ANO1: variants seen among roughly 807,000 people sequenced by gnomAD.
ANO1 encodes anoctamin-1.
In ANO1, 59 loss-of-function variants were observed where a neutral mutation model predicts 124.0. That is an observed-to-expected ratio of 0.48 (90% CI 0.39 to 0.59). The LOEUF (loss-of-function observed/expected upper bound fraction) is 0.59. ANO1 is among the 20% of genes least tolerant of loss of function. The pLI is 0.00. For missense variants in ANO1, 1,059 were observed against 1,328.0 expected (o/e 0.80, Z 3.15); for synonymous variants, 529 against 532.0 (o/e 0.99, Z 0.08).
chr11:70,035,233 C>G (rs1051550978), intron 1 of ANO1, among the ~76,000 whole-genome samples: 2 of 152,176 alleles, frequency 1.3e-5, no homozygotes, highest in Non-Finnish European at 2.9e-5. Context: ...GTCCAGCCCT[C>G]CAGGAGGATT....
intron 14 of ANO1, among the ~76,000 whole-genome samples, chr11:70,153,657 A>G (rs2047688079): frequency 6.6e-6 from 1 of 152,172 alleles, no homozygotes; most frequent in Non-Finnish European, 1.5e-5. Context: ...GTCTTTTTAT[A>G]ATAATTGCTT....
At chr11:70,027,369 A>G (rs1220071294) in intron 1 of ANO1, among the ~76,000 whole-genome samples, 1 of 152,234 alleles carries the variant, frequency 6.6e-6, no homozygotes, top group Non-Finnish European at 1.5e-5. Flanking sequence ...TGACTAGCTC[A>G]TGTAACTTAT....
At chr11:70,136,674 T>G (rs1340128785) in intron 11 of ANO1, among the ~76,000 whole-genome samples, 2 of 147,338 alleles carry the variant, frequency 1.4e-5, no homozygotes, top group African/African-American at 4.9e-5. Context: ...CGTCTGCACT[T>G]GCCTGGAAGC....
intron 20 of ANO1, 77 bp downstream of exon 20, chr11:70,165,647 C>A: frequency 8.2e-7 from 1 of 1,218,818 alleles, no homozygotes; most frequent in Non-Finnish European, 1.2e-6. Context: ...CTGCGGGGGT[C>A]TGGGTGGACG....
In ANO1 at chr11:70,116,597, C is replaced by T. The variant is rs2045985433; in HGVS notation, c.897+98C>T. Reference sequence around the variant, plus strand: ...AGCTGGACCGAGGACTTACCGGCCTCCAGGGCCTCCCCAGGGCGCTCGCTG... The same window carrying T: ...AGCTGGACCGAGGACTTACCGGCCTTCAGGGCCTCCCCAGGGCGCTCGCTG... On this transcript the variant is annotated intron_variant, in intron 8 of 25. Transcript: ENST00000355303. 2 of 1,242,446 alleles carry T rather than the reference C, an allele frequency of 1.6e-6. 1 individual carries two copies. 77.0% of individuals were successfully genotyped at this position (1,242,446 alleles called of 1,614,324 possible). A position where few individuals can be genotyped will look rare whatever the true frequency, so the allele number is the denominator to read the frequency against.
intron 1 of ANO1, among the ~76,000 whole-genome samples, chr11:70,022,840 G>A (rs1203640301): frequency 1.3e-5 from 2 of 152,164 alleles, no homozygotes; most frequent in Admixed American, 1.3e-4. Context: ...CTGACCTTGA[G>A]GCAGGGAGAT....
At chr11:69,972,627 G>A in the ANO1 span, among the ~76,000 whole-genome samples, 3 of 152,202 alleles carry the variant, frequency 2.0e-5, no homozygotes, top group Non-Finnish European at 4.4e-5. Flanking sequence ...TTGATAAGAC[G>A]GTCCTGTGTA....
At chr11:70,015,988 C>G (rs1856695977) in intron 1 of ANO1, among the ~76,000 whole-genome samples, 1 of 152,032 alleles carries the variant, frequency 6.6e-6, no homozygotes, top group Non-Finnish European at 1.5e-5. Flanking sequence ...AGACGATGAA[C>G]TGCTTGGCTT....
chr11:70,177,686 G>A (rs978630280), intron 22 of ANO1, among the ~76,000 whole-genome samples: 4 of 119,936 alleles, frequency 3.3e-5, no homozygotes, highest in African/African-American at 1.3e-4. Context: ...TGCAACCTCC[G>A]CCCCCCGGGT....
At chr11:69,968,593 C>T in the ANO1 span, among the ~76,000 whole-genome samples, 2 of 152,198 alleles carry the variant, frequency 1.3e-5, no homozygotes, top group Non-Finnish European at 2.9e-5. Context: ...TGAGATTGTT[C>T]GAGGACCCGT....
intron 22 of ANO1, among the ~76,000 whole-genome samples, chr11:70,175,559 G>A (rs1314129925): frequency 1.3e-5 from 2 of 152,214 alleles, no homozygotes; most frequent in Admixed American, 6.5e-5. Context: ...CCAGCCGTGC[G>A]TGGGAATCTG....
rs1432604573 is a variant in ANO1, at chr11:70,107,490, C to CGGGGGGGG, written c.748-861_748-860insGGGGGGGG. ...TTGGGACAGGTGGGTCCAGTGGAGGCGGCGGGGCGGGGAAGCGGTCAGATG... is the reference window on the plus strand; with the variant it reads ...TTGGGACAGGTGGGTCCAGTGGAGGCGGGGGGGGGGCGGGGCGGGGAAGCGGTCAGATG... On this transcript the variant is annotated intron_variant, in intron 5 of 25. Coordinates refer to ENST00000355303, the MANE Select transcript of ANO1 (RefSeq NM_018043.7). Among the ~76,000 whole-genome samples, 358 of 63,472 alleles carry CGGGGGGGG rather than the reference C, an allele frequency of 5.6e-3. 13 individuals are homozygous for CGGGGGGGG. Among genetic ancestry groups the CGGGGGGGG allele is most frequent in the African/African-American group, 0.011 (179 of 15,782 alleles). The allele number at this position is 63,472 out of a possible 152,430, so 41.6% of individuals were successfully genotyped here. A position where few individuals can be genotyped will look rare whatever the true frequency, so the allele number is the denominator to read the frequency against.
At chr11:70,083,235 G>T (rs2044254841) in intron 1 of ANO1, among the ~76,000 whole-genome samples, 1 of 152,136 alleles carries the variant, frequency 6.6e-6, no homozygotes, top group Admixed American at 6.5e-5. Context: ...GGCCCTGTTG[G>T]AAACTCTTTA....
intron 1 of ANO1, among the ~76,000 whole-genome samples, chr11:70,038,583 C>G (rs1443484438): frequency 6.6e-6 from 1 of 152,084 alleles, no homozygotes. Context: ...GTGGGCCATA[C>G]AGGGACTCTG....
chr11:70,089,012 G>A (rs1590696992), intron 2 of ANO1, among the ~76,000 whole-genome samples: 1 of 152,348 alleles, frequency 6.6e-6, no homozygotes, highest in African/African-American at 2.4e-5. Flanking sequence ...TGTGTGCAGA[G>A]AGAATGACTT....
At chr11:70,098,008 C>T (rs2045080413) in intron 2 of ANO1, among the ~76,000 whole-genome samples, 1 of 152,234 alleles carries the variant, frequency 6.6e-6, no homozygotes, top group Admixed American at 6.5e-5. Flanking sequence ...GGATGTGGCA[C>T]TGGGCGTCAC....
chr11:70,165,605 C>T (rs1590901224), intron 20 of ANO1, 35 bp downstream of exon 20: 12 of 1,551,966 alleles, frequency 7.7e-6, no homozygotes, highest in Admixed American at 1.8e-5. Flanking sequence ...GCGGCAGGGG[C>T]GGGGCCAGGC....
At chr11:69,998,472 T>C (rs564919594) in intron 1 of ANO1, among the ~76,000 whole-genome samples, 180 of 152,306 alleles carry the variant, frequency 1.2e-3, no homozygotes, top group Non-Finnish European at 2.0e-3. Flanking sequence ...CAGTGCCCCA[T>C]TGTGTGGGCG....
chr11:70,131,879 G>A (rs2046771941), intron 10 of ANO1, 40 bp from the exon 11 acceptor site: 1 of 1,579,614 alleles, frequency 6.3e-7, no homozygotes, highest in Non-Finnish European at 8.6e-7. Flanking sequence ...CTCCATCATG[G>A]CCCAACAAGG....
Sources: allele counts gnomAD v4.1 joint callset (sites outside exome capture counted in the v4.1 genomes callset), GRCh38; gene constraint gnomAD v4.1.1; transcripts MANE v1.5; gene names NCBI Gene and HGNC (gene_info 2026-07-23, HGNC 2026-07-21).